Variants in GDPD5 observed in about 807,000 individuals in gnomAD.
The protein encoded by GDPD5 is glycerophosphodiester phosphodiesterase 2.
Under a neutral mutation model 75.1 loss-of-function variants are expected in GDPD5, and 48 were observed. That is an observed-to-expected ratio of 0.64 (90% CI 0.51 to 0.81). GDPD5 has a LOEUF of 0.81. GDPD5 is among the 40% of genes least tolerant of loss of function. The probability of loss-of-function intolerance (pLI) is 0.00; values close to 1 mark genes in which losing one functional copy is unlikely to be tolerated. For synonymous variants in GDPD5, 336 were observed against 339.0 expected (o/e 0.99, Z 0.10); for missense variants, 706 against 822.6 (o/e 0.86, Z 1.73).
chr11:75,504,488 C>T (rs1166588817), intron 1 of GDPD5, among the ~76,000 whole-genome samples: 1 of 152,188 alleles, frequency 6.6e-6, no homozygotes, highest in Non-Finnish European at 1.5e-5. Flanking sequence ...CAGCACTCCG[C>T]CTGAACAAAG....
At position 75,465,263 on chromosome 11, in the gene GDPD5, C is replaced by G. The variant is rs572118191; in HGVS notation, c.118-2374G>C. ...ACAGAATTACATACGGTTCCCCAAA[C>G]AGGCTCTTCAGACCCCAAGCCTTCA... On this transcript the variant is annotated intron_variant, in intron 3 of 16. Transcript: ENST00000336898. Among the ~76,000 whole-genome samples, 6 of 152,346 alleles carry G rather than the reference C, an allele frequency of 3.9e-5. No homozygotes were observed. The South Asian group carries it at 1.2e-3, about 32-fold the overall frequency.
chr11:75,469,179 G>A (rs1038878348), intron 3 of GDPD5, among the ~76,000 whole-genome samples: 15 of 152,206 alleles, frequency 9.9e-5, no homozygotes, highest in Non-Finnish European at 1.8e-4. Flanking sequence ...GCCAGGCCTG[G>A]CTCTGTAGGC....
At chr11:75,460,608 C>T (rs930548425) in intron 4 of GDPD5, among the ~76,000 whole-genome samples, 2 of 152,132 alleles carry the variant, frequency 1.3e-5, no homozygotes, top group Non-Finnish European at 2.9e-5. Flanking sequence ...CCACACCTGG[C>T]TAATTTTTTG....
Position 75,477,718 on chromosome 11 carries a change from G to C in GDPD5, c.18C>G (p.Pro6=), listed in dbSNP as rs1949810527. The stretch of plus-strand genomic sequence containing the variant: ...ACAGCTGTGGCTCGTAGTACTGCAG[G>C]GGCTGGTGTCTCACCATACTCGTGC... MVRHQ[P]LQYYEPQLCL... The change falls in exon 3 of 17, where the codon CCC becomes CCG. Residue 6 remains proline (P), a synonymous_variant. Transcript: ENST00000336898. 1 of 1,585,646 alleles carries C rather than the reference G, an allele frequency of 6.3e-7. No individual in the cohort carries two copies. Among genetic ancestry groups the C allele is most frequent in the African/African-American group, 1.3e-5 (1 of 74,344 alleles).
intron 5 of GDPD5, 51 bp from the exon 6 acceptor site, chr11:75,456,867 T>C (rs1288706090): frequency 6.3e-7 from 1 of 1,581,378 alleles, no homozygotes; most frequent in South Asian, 1.1e-5. Context: ...GCGGGAAGGC[T>C]TTGCCAGTTT....
In GDPD5 at chr11:75,443,200, C is replaced by T. The variant is rs1017026830; in HGVS notation, c.884G>A (p.Arg295Lys). 1 of 1,604,120 alleles carries T rather than the reference C, an allele frequency of 6.2e-7. No individual in the cohort carries two copies. The highest frequency in any genetic ancestry group is 8.5e-7 in the Non-Finnish European group (1 of 1,176,138). ...VEEEFPELAR[R>K]PASMLNWTTL... The stretch of plus-strand genomic sequence containing the variant: ...GGTCCAGTTAAGCATGGAGGCAGGC[C>T]TGCGGGCCAGCTCCGGGAACTCCTC... Residue 295 changes from arginine to lysine, a missense_variant, in exon 11 of 17, where the codon AGG becomes AAG. Arg to Lys is a conservative substitution (Grantham distance 26). Transcript: ENST00000336898.
At chr11:75,467,189 T>G (rs1341472174) in intron 3 of GDPD5, among the ~76,000 whole-genome samples, 1 of 152,238 alleles carries the variant, frequency 6.6e-6, no homozygotes, top group Non-Finnish European at 1.5e-5. Context: ...TCTAAAGAGC[T>G]GGCTCTGCCA....
chr11:75,441,053 G>A, intron 14 of GDPD5, 110 bp downstream of exon 14: 1 of 1,097,392 alleles, frequency 9.1e-7, no homozygotes, highest in Non-Finnish European at 1.3e-6. Context: ...TCCCCACCAT[G>A]CTAGAGACCT....
intron 1 of GDPD5, among the ~76,000 whole-genome samples, chr11:75,520,901 C>T (rs1565227879): frequency 6.6e-6 from 1 of 152,376 alleles, no homozygotes; most frequent in Non-Finnish European, 1.5e-5. Context: ...GTCTCCTCTG[C>T]CAGCTAATGA....
intron 1 of GDPD5, among the ~76,000 whole-genome samples, chr11:75,510,700 C>A (rs1476999557): frequency 6.6e-6 from 1 of 151,552 alleles, no homozygotes; most frequent in Non-Finnish European, 1.5e-5. Flanking sequence ...AAGTGCCCCC[C>A]AACCCCAAGC....
chr11:75,455,482 G>A (rs189935331), intron 6 of GDPD5: 188 of 412,638 alleles, frequency 4.6e-4, no homozygotes, highest in Non-Finnish European at 5.9e-4. Flanking sequence ...AACCGGCCTC[G>A]GTGCCTCCCT....
intron 6 of GDPD5, chr11:75,451,724 C>T (rs1020747756): frequency 6.6e-6 from 1 of 152,212 alleles, no homozygotes; most frequent in Non-Finnish European, 1.5e-5. Flanking sequence ...CATCTCATCA[C>T]AATACCTATT....
intron 6 of GDPD5, chr11:75,455,192 G>A: frequency 2.4e-6 from 1 of 421,764 alleles, no homozygotes; most frequent in South Asian, 1.7e-5. Flanking sequence ...AATCAAGCAT[G>A]TGTGACCTTA....
rs113866534 is a variant in GDPD5 at position 75,496,941 on chromosome 11, C to T, written c.-144-6621G>A. Among the ~76,000 whole-genome samples the T allele has an allele frequency of 1.8e-3, 277 of 151,954 alleles. 1 individual carries two copies. Among genetic ancestry groups the T allele is most frequent in the Middle Eastern group, 0.01 (3 of 294 alleles). ...GACTATAGGTATGTGCTACCATACC[C>T]GGCAAATTTTTGTATTTTTTTTGTA... is the stretch of plus-strand genomic sequence containing the variant. On this transcript the variant is annotated intron_variant, in intron 1 of 16. Transcript: ENST00000336898.
chr11:75,484,729 A>AAAT (rs1187053853), intron 2 of GDPD5, among the ~76,000 whole-genome samples: 1 of 152,146 alleles, frequency 6.6e-6, no homozygotes, highest in East Asian at 1.9e-4. Flanking sequence ...CTAAAAAAAT[A>AAAT]AATAATAATA....
chr11:75,511,174 C>G (rs1950511451), intron 1 of GDPD5, among the ~76,000 whole-genome samples: 1 of 152,222 alleles, frequency 6.6e-6, no homozygotes, highest in Non-Finnish European at 1.5e-5. Flanking sequence ...CCCCTGCTGC[C>G]TGAAGTTCCA....
At chr11:75,500,542 A>C (rs376910133) in intron 1 of GDPD5, among the ~76,000 whole-genome samples, 1 of 151,786 alleles carries the variant, frequency 6.6e-6, no homozygotes, top group African/African-American at 2.4e-5. Flanking sequence ...CTCAATCCTA[A>C]GCCCCCTTTC....
At chr11:75,452,495 G>T (rs536203766) in intron 6 of GDPD5, among the ~76,000 whole-genome samples, 1 of 152,228 alleles carries the variant, frequency 6.6e-6, no homozygotes, top group Non-Finnish European at 1.5e-5. Flanking sequence ...TTATTGTGAG[G>T]AGTGAAATGA....
chr11:75,448,770 T>A, intron 9 of GDPD5: 11 of 1,215,484 alleles, frequency 9.0e-6, no homozygotes, highest in Non-Finnish European at 1.1e-5. Context: ...AGGACAAAAC[T>A]GAAATCTTTT....
Sources: allele counts gnomAD v4.1 joint callset (sites outside exome capture counted in the v4.1 genomes callset), GRCh38; gene constraint gnomAD v4.1.1; transcripts MANE v1.5; gene names NCBI Gene and HGNC (gene_info 2026-07-23, HGNC 2026-07-21).